Variants in METTL15 observed in about 807,000 individuals in gnomAD.
METTL15 encodes methyltransferase 15, mitochondrial 12S rRNA N4-cytidine.
In METTL15, 34 loss-of-function variants were observed where a neutral mutation model predicts 38.3. The observed-to-expected ratio is 0.89, with a 90% confidence interval of 0.68 to 1.18. The LOEUF (loss-of-function observed/expected upper bound fraction) is 1.18, where lower values mean the gene tolerates loss of function less well. Ranked by LOEUF, METTL15 falls within the 50% of genes most tolerant of loss-of-function variation. The pLI, the probability that METTL15 is intolerant of heterozygous loss-of-function variation, is 0.00. For synonymous variants in METTL15, 162 were observed against 170.9 expected, an observed-to-expected ratio of 0.95 and a Z score of 0.41; for missense variants, 438 against 498.4, an observed-to-expected ratio of 0.88 and a Z score of 1.15.
chr11:28,424,772 C>T (rs554955327), intron 6 of METTL15, among the ~76,000 whole-genome samples: 128 of 152,250 alleles, frequency 8.4e-4, no homozygotes, highest in African/African-American at 3.0e-3. Context: ...TGATTTATCA[C>T]ATAAGGCCAA....
At chr11:28,137,345 C>T (rs959216416) in intron 3 of METTL15, among the ~76,000 whole-genome samples, 3 of 152,184 alleles carry the variant, frequency 2.0e-5, no homozygotes, top group Non-Finnish European at 4.4e-5. Context: ...TTTACACTCC[C>T]ATGCCTTCTG....
chr11:28,295,217 A>G (rs574950983), intron 5 of METTL15, among the ~76,000 whole-genome samples: 3 of 152,270 alleles, frequency 2.0e-5, no homozygotes, highest in East Asian at 3.9e-4. Context: ...GTGTGCACCA[A>G]TAATTATCCA....
At chr11:28,237,302 T>C (rs1368582194) in intron 4 of METTL15, among the ~76,000 whole-genome samples, 3 of 152,302 alleles carry the variant, frequency 2.0e-5, no homozygotes, top group East Asian at 1.9e-4. Flanking sequence ...TGTTTGTTTC[T>C]TTTTATTCTT....
chr11:28,384,922 C>G (rs931015056), intron 5 of METTL15, among the ~76,000 whole-genome samples: 4 of 152,088 alleles, frequency 2.6e-5, no homozygotes, highest in Non-Finnish European at 5.9e-5. Context: ...CCCATGCTTT[C>G]TGGCCACATA....
chr11:28,367,275 C>A (rs1252053538), intron 5 of METTL15, among the ~76,000 whole-genome samples: 2 of 150,500 alleles, frequency 1.3e-5, no homozygotes, highest in Non-Finnish European at 3.0e-5. Flanking sequence ...ACAGATACTG[C>A]AGGAAAAAAG....
At chr11:28,454,535 T>C (rs1372748174) in intron 6 of METTL15, among the ~76,000 whole-genome samples, 1 of 152,198 alleles carries the variant, frequency 6.6e-6, no homozygotes, top group Non-Finnish European at 1.5e-5. Flanking sequence ...GATTACTTTC[T>C]CTACATTATA....
At chr11:28,172,148 C>G (rs1774784152) in intron 3 of METTL15, among the ~76,000 whole-genome samples, 1 of 152,072 alleles carries the variant, frequency 6.6e-6, no homozygotes, top group Middle Eastern at 3.2e-3. Flanking sequence ...ATTAATATTT[C>G]TGATTCAGGA....
At chr11:28,171,565 T>C (rs1461811662) in intron 3 of METTL15, among the ~76,000 whole-genome samples, 1 of 152,140 alleles carries the variant, frequency 6.6e-6, no homozygotes, top group Non-Finnish European at 1.5e-5. Flanking sequence ...AATGAACAGT[T>C]TTCTAAACAT....
At chr11:28,315,285 G>A (rs1857440437) in intron 6 of METTL15, among the ~76,000 whole-genome samples, 1 of 152,190 alleles carries the variant, frequency 6.6e-6, no homozygotes, top group African/African-American at 2.4e-5. Flanking sequence ...AGTTGGAAAT[G>A]AGGAACTTGT....
chr11:28,439,090 G>C (rs539772555), intron 6 of METTL15, among the ~76,000 whole-genome samples: 1 of 151,872 alleles, frequency 6.6e-6, no homozygotes, highest in African/African-American at 2.4e-5. Context: ...GCAGAAAAGT[G>C]GAAGCTGTTA....
intron 1 of METTL15, among the ~76,000 whole-genome samples, chr11:28,109,356 C>T (rs1851618854): frequency 2.0e-5 from 3 of 152,240 alleles, no homozygotes; most frequent in Non-Finnish European, 2.9e-5. Context: ...ATCGAGATGT[C>T]TTTATTTCCA....
chr11:28,315,170 C>T (rs1034421531), intron 6 of METTL15, among the ~76,000 whole-genome samples: 6 of 152,116 alleles, frequency 3.9e-5, no homozygotes, highest in Non-Finnish European at 8.8e-5. Flanking sequence ...CAGAAGAAGA[C>T]AGGAAAATGT....
At chr11:28,260,867 T>C (rs1343570293) in intron 4 of METTL15, among the ~76,000 whole-genome samples, 6 of 152,186 alleles carry the variant, frequency 3.9e-5, no homozygotes, top group Non-Finnish European at 7.3e-5. Context: ...GATTGAGCCA[T>C]AACCATAGGC....
chr11:28,503,619 C>T (rs904847971), intron 6 of METTL15, among the ~76,000 whole-genome samples: 2 of 151,412 alleles, frequency 1.3e-5, no homozygotes, highest in African/African-American at 2.4e-5. Context: ...GGTAAAACCC[C>T]GTCTCTACTA....
chr11:28,499,290 C>T (rs973662568), intron 6 of METTL15, among the ~76,000 whole-genome samples: 6 of 152,068 alleles, frequency 3.9e-5, no homozygotes, highest in Non-Finnish European at 7.4e-5. Context: ...AGACATTTAG[C>T]GTGTGTGTAC....
At chr11:28,524,906 G>A (rs1254964996) in intron 6 of METTL15, among the ~76,000 whole-genome samples, 1 of 152,240 alleles carries the variant, frequency 6.6e-6, no homozygotes, top group East Asian at 1.9e-4. Flanking sequence ...TGTGTCCGGA[G>A]TTTGTTCCTT....
intron 3 of METTL15, among the ~76,000 whole-genome samples, chr11:28,116,412 A>G (rs1408255407): frequency 2.0e-5 from 3 of 152,196 alleles, no homozygotes; most frequent in African/African-American, 7.2e-5. Context: ...TTTTTATCTA[A>G]ATCAGTTATT....
chr11:28,178,322 G>C (rs914393579), intron 3 of METTL15, among the ~76,000 whole-genome samples: 2 of 151,886 alleles, frequency 1.3e-5, no homozygotes, highest in South Asian at 2.1e-4. Flanking sequence ...CCATAAAAAT[G>C]TATCAGTTAT....
chr11:28,367,678 G>A (rs572866633), intron 5 of METTL15, among the ~76,000 whole-genome samples: 30 of 152,158 alleles, frequency 2.0e-4, no homozygotes, highest in Non-Finnish European at 3.8e-4. Context: ...TGGAGGCATC[G>A]TGCTACCTGA....
Sources: gnomAD v4.1 joint callset for allele counts (sites outside exome capture counted in the v4.1 genomes callset) on GRCh38, gnomAD v4.1.1 for gene constraint, MANE v1.5 for transcripts, NCBI Gene and HGNC (gene_info 2026-07-23, HGNC 2026-07-21) for gene names.